The following ZPBP variants were observed in gnomAD, a reference collection of about 807,000 sequenced individuals.
ZPBP encodes the protein zona pellucida binding protein.
ZPBP carries 26 observed loss-of-function variants against 44.8 expected under a neutral mutation model. That is an observed-to-expected ratio of 0.58 (90% CI 0.43 to 0.81). The LOEUF is 0.81. Among genes scored for constraint, ZPBP ranks in the 30% least tolerant of loss-of-function variants. The pLI is 0.00. For missense variants in ZPBP, 409 were observed against 434.0 expected (o/e 0.94, Z 0.51); for synonymous variants, 174 against 153.2 (o/e 1.14, Z -1.00).
chr7:50,006,538 G>A (rs1798320624), intron 6 of ZPBP, among the ~76,000 whole-genome samples: 1 of 152,086 alleles, frequency 6.6e-6, no homozygotes, highest in East Asian at 1.9e-4. Context: ...AAGCACAAGG[G>A]AAATTTATGG....
Position 50,093,242 on chromosome 7 carries a change from G to C in ZPBP, c.-48C>G, listed in dbSNP as rs1178157232. The C allele has an allele frequency of 1.4e-6, 2 of 1,471,506 alleles. No homozygotes were observed. Among genetic ancestry groups the C allele is most frequent in the Admixed American group, 2.4e-5 (1 of 41,034 alleles). The allele number at this position is 1,471,506 out of a possible 1,614,324, so 91.2% of individuals were successfully genotyped here. On this transcript the variant is annotated 5_prime_UTR_variant, in exon 1 of 8. Transcript: ENST00000046087. The stretch of plus-strand genomic sequence containing the variant: ...CACCGTCCGCGCGGAAGGTCGTTAG[G>C]CAACGCGCGCCCACCTGCAGCCGGA...
At chr7:49,879,153 C>G (rs1392446636) in intron 2 of ZPBP, among the ~76,000 whole-genome samples, 1 of 152,102 alleles carries the variant, frequency 6.6e-6, no homozygotes, top group Non-Finnish European at 1.5e-5. Context: ...GACTATATTT[C>G]TGGTTTTAGA....
intron 1 of ZPBP, among the ~76,000 whole-genome samples, chr7:49,926,590 G>A (rs537453791): frequency 2.6e-5 from 4 of 152,276 alleles, no homozygotes; most frequent in South Asian, 2.1e-4. Flanking sequence ...CTTTGCCCAC[G>A]GGGTGGGCAG....
chr7:50,058,624 T>C (rs1562595829), intron 3 of ZPBP, among the ~76,000 whole-genome samples: 1 of 152,150 alleles, frequency 6.6e-6, no homozygotes, highest in East Asian at 1.9e-4. Flanking sequence ...AAGAGATTTC[T>C]TATCACTACA....
At chr7:49,969,212 T>C (rs1796183198) in intron 7 of ZPBP, among the ~76,000 whole-genome samples, 1 of 149,050 alleles carries the variant, frequency 6.7e-6, no homozygotes, top group African/African-American at 2.4e-5. Context: ...ATAGAAAATA[T>C]ACTATATAAT....
chr7:50,033,649 T>C (rs1799698345), intron 4 of ZPBP, among the ~76,000 whole-genome samples: 1 of 151,558 alleles, frequency 6.6e-6, no homozygotes, highest in Admixed American at 6.6e-5. Flanking sequence ...AAAGAGTCTA[T>C]AATAACGTCA....
intron 6 of ZPBP, among the ~76,000 whole-genome samples, chr7:50,010,755 T>C (rs986490100): frequency 3.9e-5 from 6 of 152,072 alleles, no homozygotes; most frequent in African/African-American, 1.2e-4. Context: ...AGAATCAATA[T>C]TGTCAAAATG....
intron 1 of ZPBP, among the ~76,000 whole-genome samples, chr7:49,924,813 G>A (rs540203031): frequency 6.6e-6 from 1 of 152,266 alleles, no homozygotes; most frequent in South Asian, 2.1e-4. Flanking sequence ...AGAAGGTGGT[G>A]GCTGCCCAAG....
At chr7:49,915,759 T>G (rs867320519) in intron 1 of ZPBP, 2 of 152,198 alleles carry the variant, frequency 1.3e-5, no homozygotes, top group Non-Finnish European at 2.9e-5. Context: ...GGGCAAGAGA[T>G]CAATCCTACT....
chr7:49,952,098 C>T (rs577573640), intron 7 of ZPBP, among the ~76,000 whole-genome samples: 14 of 151,792 alleles, frequency 9.2e-5, no homozygotes, highest in East Asian at 3.9e-4. Flanking sequence ...TTAATAAGTA[C>T]GGGGTTTCCT....
intron 2 of ZPBP, among the ~76,000 whole-genome samples, chr7:49,858,558 G>A (rs1456161561): frequency 7.1e-6 from 1 of 140,246 alleles, no homozygotes; most frequent in Non-Finnish European, 1.5e-5. Context: ...CCTGTTGTGG[G>A]GTGGGGGAGG....
At chr7:49,923,553 T>C (rs1025327806) in intron 1 of ZPBP, among the ~76,000 whole-genome samples, 1 of 152,212 alleles carries the variant, frequency 6.6e-6, no homozygotes, top group African/African-American at 2.4e-5. Flanking sequence ...TATTAACTAT[T>C]CCCTCACCGT....
intron 7 of ZPBP, among the ~76,000 whole-genome samples, chr7:49,976,356 C>A (rs1796518361): frequency 6.6e-6 from 1 of 151,348 alleles, no homozygotes; most frequent in Non-Finnish European, 1.5e-5. Flanking sequence ...TACAGCAATT[C>A]TCTCATATGT....
intron 7 of ZPBP, among the ~76,000 whole-genome samples, chr7:49,971,929 T>C (rs1267598451): frequency 1.3e-5 from 2 of 151,972 alleles, no homozygotes; most frequent in African/African-American, 4.8e-5. Context: ...AATGTATGAA[T>C]GGTTTAACAT....
At chr7:49,841,808 G>A in the ZPBP span, among the ~76,000 whole-genome samples, 1 of 152,118 alleles carries the variant, frequency 6.6e-6, no homozygotes, top group Non-Finnish European at 1.5e-5. Flanking sequence ...CATGACCAAA[G>A]CAATTGTTTA....
At chr7:50,030,056 T>C (rs937561840) in intron 5 of ZPBP, among the ~76,000 whole-genome samples, 1 of 152,118 alleles carries the variant, frequency 6.6e-6, no homozygotes, top group Non-Finnish European at 1.5e-5. Flanking sequence ...GGTTTCGCCA[T>C]GTTGGCCAGG....
At chr7:49,920,327 A>C (rs1793963351) in intron 1 of ZPBP, 1 of 152,208 alleles carries the variant, frequency 6.6e-6, no homozygotes, top group Non-Finnish European at 1.5e-5. Context: ...ATTCCTCAGA[A>C]TGATGTAAAT....
At chr7:50,064,573 TTC>T (rs1801410113) in intron 3 of ZPBP, among the ~76,000 whole-genome samples, 1 of 152,122 alleles carries the variant, frequency 6.6e-6, no homozygotes, top group African/African-American at 2.4e-5. Context: ...CAGGCACACA[TTC>T]TCTTTCTCAG....
At chr7:50,008,653 C>G (rs757345600) in intron 6 of ZPBP, among the ~76,000 whole-genome samples, 2 of 152,018 alleles carry the variant, frequency 1.3e-5, no homozygotes, top group Non-Finnish European at 2.9e-5. Flanking sequence ...CAGTATGGTA[C>G]TGGCATAAAG....
Sources: gnomAD v4.1 joint callset for allele counts (sites outside exome capture counted in the v4.1 genomes callset) on GRCh38, gnomAD v4.1.1 for gene constraint, MANE v1.5 for transcripts, NCBI Gene and HGNC (gene_info 2026-07-23, HGNC 2026-07-21) for gene names.